The following STK32A variants were observed in gnomAD, a reference collection of about 807,000 sequenced individuals.
The protein encoded by STK32A is serine/threonine-protein kinase 32A.
A neutral mutation model predicts 53.2 loss-of-function variants in STK32A; 41 were observed. The observed-to-expected ratio is 0.77, with a 90% CI of 0.60 to 1.00. The LOEUF (loss-of-function observed/expected upper bound fraction) is 1.00, where lower values mean the gene tolerates loss of function less well. STK32A is among the 50% of genes least tolerant of loss of function. STK32A has a pLI of 0.00. For synonymous variants in STK32A, 166 were observed against 162.8 expected, an observed-to-expected ratio of 1.02 and a Z score of -0.15; for missense variants, 458 against 485.8, an observed-to-expected ratio of 0.94 and a Z score of 0.54.
intron 4 of STK32A, among the ~76,000 whole-genome samples, chr5:147,282,176 C>A (rs578128774): frequency 1.3e-5 from 2 of 152,090 alleles, no homozygotes; most frequent in South Asian, 4.2e-4. Flanking sequence ...CACAGAGGAT[C>A]TACAAAATAA....
intron 10 of STK32A, 99 bp downstream of exon 10, chr5:147,373,393 T>C: frequency 6.7e-7 from 1 of 1,483,670 alleles, no homozygotes; most frequent in Non-Finnish European, 9.1e-7. Flanking sequence ...ACACCAGTGT[T>C]GTTAAGAGAG....
intron 4 of STK32A, among the ~76,000 whole-genome samples, chr5:147,295,007 C>T (rs987219905): frequency 6.6e-6 from 1 of 152,084 alleles, no homozygotes; most frequent in Admixed American, 6.6e-5. Context: ...AAATTACATA[C>T]GATAACTACA....
intron 11 of STK32A, among the ~76,000 whole-genome samples, chr5:147,378,797 A>G (rs1259656276): frequency 8.6e-6 from 1 of 115,782 alleles, no homozygotes; most frequent in Non-Finnish European, 1.6e-5. Context: ...TTTGTAGTAT[A>G]GTTTGAAGTC....
chr5:147,359,435 G>GAAGA (rs1398100877), intron 7 of STK32A, among the ~76,000 whole-genome samples: 3 of 152,130 alleles, frequency 2.0e-5, no homozygotes, highest in Non-Finnish European at 4.4e-5. Flanking sequence ...AATAAAGCTG[G>GAAGA]AAGAAAGAAA....
chr5:147,342,941 C>T, intron 5 of STK32A, 65 bp from the exon 6 acceptor site: 1 of 1,519,686 alleles, frequency 6.6e-7, no homozygotes, highest in Non-Finnish European at 9.1e-7. Context: ...AGCCTTTTTG[C>T]CCCTACCCCT....
At chr5:147,277,135 A>G (rs1404722400) in intron 2 of STK32A, among the ~76,000 whole-genome samples, 1 of 152,216 alleles carries the variant, frequency 6.6e-6, no homozygotes, top group African/African-American at 2.4e-5. Context: ...GAGAAAAACT[A>G]GTTCTTTTAA....
intron 5 of STK32A, among the ~76,000 whole-genome samples, chr5:147,339,605 G>A (rs1427128632): frequency 6.6e-6 from 1 of 152,234 alleles, no homozygotes; most frequent in Non-Finnish European, 1.5e-5. Flanking sequence ...GACATACAAT[G>A]CCAGCCAATG....
chr5:147,245,925 T>C (rs1327706899), intron 2 of STK32A, among the ~76,000 whole-genome samples: 2 of 152,160 alleles, frequency 1.3e-5, no homozygotes, highest in Non-Finnish European at 2.9e-5. Flanking sequence ...GCCAAGAAAA[T>C]TGGCCACAGA....
chr5:147,318,650 C>T (rs953808158), intron 4 of STK32A, among the ~76,000 whole-genome samples: 7 of 151,156 alleles, frequency 4.6e-5, no homozygotes, highest in East Asian at 1.9e-4. Context: ...GTGATATGTA[C>T]CTGTAGTCCC....
At chr5:147,298,931 A>G (rs2151965003) in intron 4 of STK32A, among the ~76,000 whole-genome samples, 1 of 152,308 alleles carries the variant, frequency 6.6e-6, no homozygotes, top group African/African-American at 2.4e-5. Context: ...GTATTTGGAT[A>G]CCGAGATGGC....
chr5:147,244,768 T>C (rs1223315048), intron 2 of STK32A, among the ~76,000 whole-genome samples: 1 of 152,224 alleles, frequency 6.6e-6, no homozygotes, highest in Non-Finnish European at 1.5e-5. Context: ...TCAGTTTCTT[T>C]GTATGTAAAA....
At chr5:147,255,297 C>T (rs1045087845) in intron 2 of STK32A, among the ~76,000 whole-genome samples, 7 of 152,026 alleles carry the variant, frequency 4.6e-5, no homozygotes, top group African/African-American at 1.7e-4. Flanking sequence ...AGTAGTTTTG[C>T]TTCATTTTCC....
Position 147,239,430 on chromosome 5 carries a change from A to T in STK32A, c.-96-109A>T. The T allele has an allele frequency of 6.7e-6, 3 of 447,778 alleles. No homozygotes were observed. In the South Asian group the frequency reaches 1.9e-4, roughly 28 times the overall value. The allele number at this position is 447,778 out of a possible 1,614,324, so 27.7% of individuals were successfully genotyped here. On this transcript the variant is annotated intron_variant, in intron 1 of 12. Transcript: ENST00000397936. ...ATCATGGTTGGTTTTCAAACACAAA[A>T]GTTTTCACTACAGTGATACAGATGA...
chr5:147,370,797 C>T (rs772913984), intron 9 of STK32A, 27 bp downstream of exon 9: 42 of 1,470,528 alleles, frequency 2.9e-5, no homozygotes, highest in Non-Finnish European at 3.5e-5. Context: ...CATGTCCAAA[C>T]GAAGTAACAA....
At chr5:147,268,997 G>C (rs528858383) in intron 2 of STK32A, among the ~76,000 whole-genome samples, 3 of 152,272 alleles carry the variant, frequency 2.0e-5, no homozygotes, top group Admixed American at 1.3e-4. Context: ...ATGCAGTAAA[G>C]AACAGTGTTG....
intron 4 of STK32A, among the ~76,000 whole-genome samples, chr5:147,302,585 C>G (rs963826582): frequency 2.0e-5 from 3 of 152,092 alleles, no homozygotes; most frequent in African/African-American, 7.2e-5. Flanking sequence ...CCTTGGGCAC[C>G]ATCATGTCTG....
At chr5:147,299,718 A>G (rs1396114944) in intron 4 of STK32A, among the ~76,000 whole-genome samples, 1 of 152,200 alleles carries the variant, frequency 6.6e-6, no homozygotes, top group Non-Finnish European at 1.5e-5. Flanking sequence ...ATATACTCCA[A>G]TTAACAGCAG....
At chr5:147,357,718 T>A (rs955488274) in intron 7 of STK32A, among the ~76,000 whole-genome samples, 10 of 152,244 alleles carry the variant, frequency 6.6e-5, no homozygotes, top group African/African-American at 2.4e-4. Flanking sequence ...ATTTTTATTC[T>A]GATTATGGTT....
Position 147,258,187 on chromosome 5 carries a change from G to A in STK32A, c.52+18501G>A, listed in dbSNP as rs961234070. 3.2e-5 allele frequency among the ~76,000 whole-genome samples: 3 copies of A among 92,356 alleles called. No individual in the cohort carries two copies. In the East Asian group the frequency reaches 7.5e-4, roughly 23 times the overall value. 60.6% of individuals were successfully genotyped at this position (92,356 alleles called of 152,430 possible). On this transcript the variant is annotated intron_variant, in intron 2 of 12. Transcript: ENST00000397936. ...ATAATTTTTGTTAAAGAGCAGGTTA[G>A]TGCTTTAAGAAATACCTGTTGTGCT...
Sources: allele counts gnomAD v4.1 joint callset (sites outside exome capture counted in the v4.1 genomes callset), GRCh38; gene constraint gnomAD v4.1.1; transcripts MANE v1.5; gene names NCBI Gene and HGNC (gene_info 2026-07-23, HGNC 2026-07-21).